Variants in MROH2A observed in about 807,000 individuals in gnomAD.
The protein encoded by MROH2A is maestro heat like repeat family member 2A.
Under a neutral mutation model 200.4 loss-of-function variants are expected in MROH2A, and 174 were observed. That is an observed-to-expected ratio of 0.87 (90% CI 0.77 to 0.98). The LOEUF is 0.98. Ranked by LOEUF, MROH2A falls within the 50% of genes least tolerant of loss-of-function variation. MROH2A has a pLI of 0.00. For missense variants in MROH2A, 2,045 were observed against 2,139.6 expected (o/e 0.96, Z 0.87); for synonymous variants, 829 against 840.4 (o/e 0.99, Z 0.23).
At chr2:233,784,034 CTT>C (rs1182318913) in intron 3 of MROH2A, among the ~76,000 whole-genome samples, 6 of 151,498 alleles carry the variant, frequency 4.0e-5, no homozygotes, top group Non-Finnish European at 7.4e-5. Context: ...TTTTATTACT[CTT>C]GATTTTGTTT....
chr2:233,824,962 A>G (rs1408567644), intron 35 of MROH2A, among the ~76,000 whole-genome samples: 1 of 152,158 alleles, frequency 6.6e-6, no homozygotes, highest in East Asian at 1.9e-4. Flanking sequence ...ATGAGCATGG[A>G]ATATTTTTCC....
At chr2:233,825,948 C>T (rs1194311385) in intron 35 of MROH2A, among the ~76,000 whole-genome samples, 2 of 83,800 alleles carry the variant, frequency 2.4e-5, no homozygotes, top group Non-Finnish European at 4.2e-5. Context: ...TTTTTTGAGA[C>T]AGGGTCTTGC....
rs1018440476 is a variant in MROH2A at position 233,804,030 on chromosome 2, T to C, written c.1750-21T>C. ...GCAAGGTGCTCAGGTGCTACTTCAC[T>C]GGAGCCTTGGTGCCCTCCAGGTGCT... On this transcript the variant is annotated intron_variant, in intron 16 of 41. Transcript: ENST00000389758. 9.0e-6 allele frequency: 14 copies of C among 1,548,920 alleles called. No homozygotes were observed. The African/African-American group carries it at 1.8e-4, about 20-fold the overall frequency.
chr2:233,779,979 C>A (rs912425668), intron 3 of MROH2A, 127 bp downstream of exon 3: 30 of 786,572 alleles, frequency 3.8e-5, no homozygotes, highest in Non-Finnish European at 5.1e-5. Flanking sequence ...ATGGGCAAGA[C>A]TGTGAGGTGC....
At chr2:233,788,488 C>A (rs1293947880) in intron 3 of MROH2A, among the ~76,000 whole-genome samples, 1 of 151,938 alleles carries the variant, frequency 6.6e-6, no homozygotes, top group Non-Finnish European at 1.5e-5. Flanking sequence ...AGAACTTACA[C>A]ATTTGGGTGA....
intron 3 of MROH2A, among the ~76,000 whole-genome samples, chr2:233,783,395 A>G (rs1171529494): frequency 6.6e-6 from 1 of 152,134 alleles, no homozygotes; most frequent in Non-Finnish European, 1.5e-5. Context: ...CAATCTCATT[A>G]TTCGATACTG....
rs1171726491 is a variant in MROH2A at position 233,809,342 on chromosome 2, G to A, written c.2448+64G>A. 1.1e-5 allele frequency: 17 copies of A among 1,503,104 alleles called. No homozygotes were observed. The East Asian group carries it at 3.5e-4, about 31-fold the overall frequency. The allele number at this position is 1,503,104 out of a possible 1,614,324, so 93.1% of individuals were successfully genotyped here. A position where few individuals can be genotyped will look rare whatever the true frequency, so the allele number is the denominator to read the frequency against. On this transcript the variant is annotated intron_variant, in intron 22 of 41. Transcript: ENST00000389758. ...CAGGCTGGTGGGTAGTAGCCTTCTG[G>A]CACTCTCTGGGCTCCTGCATCCCTA...
chr2:233,821,721 C>T (rs1192931907), intron 31 of MROH2A, among the ~76,000 whole-genome samples: 1 of 152,004 alleles, frequency 6.6e-6, no homozygotes, highest in Non-Finnish European at 1.5e-5. Context: ...GACAAAATAC[C>T]TTCCTCAAAG....
chr2:233,803,397 T>G, intron 15 of MROH2A, 51 bp from the exon 16 acceptor site: 1 of 1,547,206 alleles, frequency 6.5e-7, no homozygotes, highest in Non-Finnish European at 8.7e-7. Context: ...TAGGAGCATG[T>G]CCTGGTACAA....
At position 233,812,694 on chromosome 2, in the gene MROH2A, G is replaced by A. The variant is rs1235156454; in HGVS notation, c.2651+735G>A. Among the ~76,000 whole-genome samples, 3 of 152,056 alleles carry A rather than the reference G, an allele frequency of 2.0e-5. No homozygotes were observed. In the East Asian group the frequency reaches 5.8e-4, roughly 29 times the overall value. ...CAGACACATACAAACAGGATTATAG[G>A]TCAAAGCTGACTAACAGGACTGTGT... On this transcript the variant is annotated intron_variant, in intron 24 of 41. Transcript: ENST00000389758.
intron 23 of MROH2A, 124 bp downstream of exon 23, chr2:233,811,040 GCTCTGCTTT>G (rs1703123060): frequency 9.0e-7 from 1 of 1,112,800 alleles, no homozygotes; most frequent in African/African-American, 1.6e-5. Context: ...CCCTGTCTTG[GCTCTGCTTT>G]GTCCTAACTG....
rs1430496293 is a variant in MROH2A, at chr2:233,822,432, G to A, written c.3742G>A (p.Asp1248Asn). 4 of 1,547,746 alleles carry A rather than the reference G, an allele frequency of 2.6e-6. No homozygotes were observed. The highest frequency in any genetic ancestry group is 3.9e-5 in the Admixed American group (2 of 50,730). The change falls in exon 33 of 42, where the codon GAC becomes AAC. Residue 1248 changes from aspartate (D) to asparagine (N), a missense_variant. This residue lies in a region of MROH2A where 1,201 missense variants were observed against 1,311.3 expected (regional missense o/e 0.92). Transcript: ENST00000389758. ...TGACAAGCTCCCGGACTTCCTCCCT[G>A]ACCTCATCTACACCCTCCTGCTGCA... The part of the protein sequence containing the change: ...ENDKLPDFLP[D>N]LIYTLLLQLG...
intron 7 of MROH2A, 47 bp from the exon 8 acceptor site, chr2:233,794,315 CT>C: frequency 2.1e-6 from 3 of 1,399,594 alleles, no homozygotes; most frequent in Non-Finnish European, 3.0e-6. Context: ...ACTGGCCTTG[CT>C]GGAGGGTGGT....
chr2:233,796,011 T>G lies in MROH2A; in HGVS notation c.1104T>G (p.Asn368Lys). 1 of 1,550,572 alleles carries G rather than the reference T, an allele frequency of 6.4e-7. No homozygotes were observed. Among genetic ancestry groups the G allele is most frequent in the Non-Finnish European group, 8.7e-7 (1 of 1,146,968 alleles). Residue 368 changes from asparagine (N) to lysine (K), a missense_variant, in exon 10 of 42, where the codon AAT (asparagine) becomes AAG (lysine). Physicochemically the swap from Asn to Lys is moderately conservative, Grantham distance 94. Around this residue, in one of 3 missense-constraint regions of MROH2A, gnomAD observed 831 missense variants for 800.0 expected, o/e 1.04. Transcript: ENST00000389758. ...APAQHQYSSQ[N>K]LMEMVHCFVA... is the part of the protein sequence containing the mutation. Reference sequence around the variant, plus strand: ...CCCAGCATCAGTACAGCAGCCAGAATCTGATGGAGATGGTGCACTGCTTCG... The same window carrying G: ...CCCAGCATCAGTACAGCAGCCAGAAGCTGATGGAGATGGTGCACTGCTTCG...
In MROH2A at chr2:233,833,277, C is replaced by CG; in HGVS notation, c.*19dup. 6.6e-7 allele frequency: 1 copy of CG among 1,508,176 alleles called. No individual in the cohort carries two copies. Among genetic ancestry groups the CG allele is most frequent in the Non-Finnish European group, 8.8e-7 (1 of 1,131,050 alleles). 93.4% of individuals were successfully genotyped at this position (1,508,176 alleles called of 1,614,324 possible). ...TGTCCTAGGTGGTCCAAACATAAGA[C>CG]GTAAACTGTCTTCTTAGTGCCAAAT... On this transcript the variant is annotated 3_prime_UTR_variant, in exon 42 of 42. Transcript: ENST00000389758.
Position 233,792,787 on chromosome 2 carries a change from A to G in MROH2A, c.572-9A>G. Reference sequence around the variant, plus strand: ...CAACTTCCTGTAATCATCCCTCACAACCTCACAGTGTTTGAGTTCATGCCA... The same window carrying G: ...CAACTTCCTGTAATCATCCCTCACAGCCTCACAGTGTTTGAGTTCATGCCA... On this transcript the variant is annotated splice_polypyrimidine_tract_variant and intron_variant, in intron 5 of 41. Coordinates refer to ENST00000389758, the MANE Select transcript of MROH2A (RefSeq NM_001394639.1). 2 of 1,511,726 alleles carry G rather than the reference A, an allele frequency of 1.3e-6. No individual in the cohort carries two copies. Among genetic ancestry groups the G allele is most frequent in the Non-Finnish European group, 1.8e-6 (2 of 1,112,252 alleles). The allele number at this position is 1,511,726 out of a possible 1,614,324, so 93.6% of individuals were successfully genotyped here.
In MROH2A at chr2:233,789,628, G is replaced by A; in HGVS notation, c.408G>A (p.Glu136=). 1 of 1,458,524 alleles carries A rather than the reference G, an allele frequency of 6.9e-7. No individual in the cohort carries two copies. The highest frequency in any genetic ancestry group is 9.1e-7 in the Non-Finnish European group (1 of 1,102,806). 90.3% of individuals were successfully genotyped at this position (1,458,524 alleles called of 1,614,324 possible). Residue 136 remains glutamate, a splice_region_variant and synonymous_variant, in exon 4 of 42, where the codon GAG becomes GAA. Coordinates refer to ENST00000389758, the MANE Select transcript of MROH2A (RefSeq NM_001394639.1). The part of the protein sequence containing the change: ...IASKEMREIP[E]MEGYMKAEVA... ...CCAAGGAGATGAGGGAGATCCCAGA[G>A]GTAGGACCCCAAGCTCCATCGGTGC...
chr2:233,806,408 TATGG>T (rs966012836), intron 19 of MROH2A, among the ~76,000 whole-genome samples: 20 of 152,078 alleles, frequency 1.3e-4, no homozygotes, highest in African/African-American at 4.1e-4. Context: ...TTTAATGAAA[TATGG>T]ATGGTTGCTC....
chr2:233,779,282 G>T, intron 1 of MROH2A, 63 bp from the exon 2 acceptor site: 2 of 1,039,998 alleles, frequency 1.9e-6, no homozygotes, highest in Non-Finnish European at 2.9e-6. Context: ...GGTGTGGGTC[G>T]TTGGGGTCAT....
Sources: gnomAD v4.1 joint callset for allele counts (sites outside exome capture counted in the v4.1 genomes callset) on GRCh38, gnomAD v4.1.1 for gene constraint, gnomAD v4.1.1 regional missense constraint, MANE v1.5 for transcripts, NCBI Gene and HGNC (gene_info 2026-07-23, HGNC 2026-07-21) for gene names.